The following UNC13A variants were observed in gnomAD, a reference collection of about 807,000 sequenced individuals.
The protein encoded by UNC13A is protein unc-13 homolog A.
UNC13A carries 61 observed loss-of-function variants against 219.7 expected under a neutral mutation model. The observed-to-expected ratio is 0.28, with a 90% CI of 0.23 to 0.34. The LOEUF (loss-of-function observed/expected upper bound fraction) is 0.34. Among genes scored for constraint, UNC13A ranks in the 10% least tolerant of loss-of-function variants. UNC13A has a pLI of 1.00. For missense variants in UNC13A, 1,476 were observed against 2,270.3 expected (o/e 0.65, Z 7.11); for synonymous variants, 920 against 884.6 (o/e 1.04, Z -0.71).
rs1480808128 is a variant in UNC13A, at chr19:17,617,698, T to G, written c.4558+4A>C. On this transcript the variant is annotated splice_donor_region_variant and intron_variant, in intron 41 of 43. Coordinates refer to ENST00000519716, the MANE Select transcript of UNC13A (RefSeq NM_001080421.3). The stretch of plus-strand genomic sequence containing the variant: ...AAAGGGTGATGCGGTCTGGGTACCC[T>G]TACCCTGGGCCGATTGCGTCTGTAC... The G allele has an allele frequency of 6.2e-7, 1 of 1,613,156 alleles. No individual in the cohort carries two copies.
At position 17,639,907 on chromosome 19, in the gene UNC13A, T is replaced by C. The variant is rs752764254; in HGVS notation, c.2789A>G (p.Lys930Arg). 2.5e-6 allele frequency: 4 copies of C among 1,613,510 alleles called. No homozygotes were observed. The highest frequency in any genetic ancestry group is 8.5e-7 in the Non-Finnish European group (1 of 1,179,760). ...GTCCAGGAGTTTCACGAAGCGCTCTTTCTGAGGAGGAAGGGGAGGAGGGAG... is the reference window on the plus strand; with the variant it reads ...GTCCAGGAGTTTCACGAAGCGCTCTCTCTGAGGAGGAAGGGGAGGAGGGAG... The part of the protein sequence containing the change: ...SDRFAASNFG[K>R]ERFVKLLDQL... Residue 930 changes from lysine (K) to arginine (R), a missense_variant and splice_region_variant, in exon 23 of 44, where the codon AAA (lysine) becomes AGA (arginine). Physicochemically the swap from Lys to Arg is conservative, Grantham distance 26. This residue lies in a region of UNC13A where 140 missense variants were observed against 270.9 expected (regional missense o/e 0.52). Transcript: ENST00000519716.
chr19:17,667,231 C>G (rs1019548227), intron 6 of UNC13A, among the ~76,000 whole-genome samples: 31 of 143,556 alleles, frequency 2.2e-4, no homozygotes, highest in Non-Finnish European at 4.4e-4. Flanking sequence ...AGCCTGGTGA[C>G]ACAGCGAGAC....
rs1327642693 is a variant in UNC13A, at chr19:17,606,476, C to G, written c.4812-122G>C. 6.8e-6 allele frequency: 9 copies of G among 1,320,262 alleles called. No homozygotes were observed. In the Admixed American group the frequency reaches 1.4e-4, roughly 20 times the overall value. 81.8% of individuals were successfully genotyped at this position (1,320,262 alleles called of 1,614,324 possible). ...CGGGGTGCCCACACCTGTCACCTCCCACGCTACGCTAGCCCCGCCCCTGCC... is the reference window on the plus strand; with the variant it reads ...CGGGGTGCCCACACCTGTCACCTCCGACGCTACGCTAGCCCCGCCCCTGCC... On this transcript the variant is annotated intron_variant, in intron 43 of 43. Coordinates refer to ENST00000519716, the MANE Select transcript of UNC13A (RefSeq NM_001080421.3).
chr19:17,671,506 C>T (rs752270182), intron 4 of UNC13A, among the ~76,000 whole-genome samples: 4 of 152,032 alleles, frequency 2.6e-5, no homozygotes, highest in Admixed American at 6.6e-5. Flanking sequence ...CATGGTGGCT[C>T]GCACCTGTAA....
At chr19:17,680,869 C>CTTTT (rs71162171) in intron 1 of UNC13A, among the ~76,000 whole-genome samples, 1 of 106,430 alleles carries the variant, frequency 9.4e-6, no homozygotes, top group Non-Finnish European at 1.8e-5. Context: ...TCTTCTTCTT[C>CTTTT]TTTTTTTTTC....
In UNC13A at chr19:17,630,294, G is replaced by A. The variant is rs183149048; in HGVS notation, c.3526-6C>T. ...TGCTCTGAGGTCTGCTGGAACTGCA[G>A]GGGGAAGGAGGCCAAGAGGAAGGAG... is the stretch of plus-strand genomic sequence containing the variant. On this transcript the variant is annotated splice_region_variant and splice_polypyrimidine_tract_variant and intron_variant, in intron 29 of 43. Transcript: ENST00000519716. 7.4e-5 allele frequency: 116 copies of A among 1,560,912 alleles called. No homozygotes were observed. The highest frequency in any genetic ancestry group is 6.9e-4 in the Admixed American group (36 of 51,970).
At chr19:17,618,595 C>T (rs976254554) in intron 39 of UNC13A, 94 bp from the exon 40 acceptor site, 2 of 1,304,260 alleles carry the variant, frequency 1.5e-6, no homozygotes, top group Non-Finnish European at 2.2e-6. Context: ...CTTGGAGGAG[C>T]TGGGCTGAGG....
At chr19:17,606,469 C>A (rs1055344664) in intron 43 of UNC13A, 115 bp from the exon 44 acceptor site, 1 of 1,349,926 alleles carries the variant, frequency 7.4e-7, no homozygotes, top group Non-Finnish European at 9.9e-7. Flanking sequence ...CCACACCTGT[C>A]ACCTCCCACG....
chr19:17,682,553 G>A (rs894676903), intron 1 of UNC13A, among the ~76,000 whole-genome samples: 2 of 152,102 alleles, frequency 1.3e-5, no homozygotes, highest in Non-Finnish European at 2.9e-5. Flanking sequence ...TTAGGGAAAG[G>A]GTTAGGCTGC....
At position 17,683,778 on chromosome 19, in the gene UNC13A, T is replaced by C. The variant is rs117189937; in HGVS notation, c.22+4400A>G. On this transcript the variant is annotated intron_variant, in intron 1 of 43. Transcript: ENST00000519716. ...CTGATTTGTTCATGTCATTTATTCA[T>C]AACATGTTTATAGAGCCTTTAAAAC... Among the ~76,000 whole-genome samples, 77 of 152,246 alleles carry C rather than the reference T, an allele frequency of 5.1e-4. 1 individual carries two copies. The East Asian group carries it at 0.015, about 29-fold the overall frequency.
Position 17,636,950 on chromosome 19 carries a change from T to C in UNC13A, c.3082-793A>G, listed in dbSNP as rs1488540021. Among the ~76,000 whole-genome samples, 4 of 151,860 alleles carry C rather than the reference T, an allele frequency of 2.6e-5. No individual in the cohort carries two copies. In the South Asian group the frequency reaches 8.3e-4, roughly 31 times the overall value. Reference sequence around the variant, plus strand: ...TTGTACTCAATAAAACTCAATGCAATCAACCAACTTGTTCTTCTCTCTATT... The same window carrying C: ...TTGTACTCAATAAAACTCAATGCAACCAACCAACTTGTTCTTCTCTCTATT... On this transcript the variant is annotated intron_variant, in intron 25 of 43. Coordinates refer to ENST00000519716, the MANE Select transcript of UNC13A (RefSeq NM_001080421.3).
At position 17,605,964 on chromosome 19, in the gene UNC13A, C is replaced by G; in HGVS notation, c.*90G>C. ...GGCGTGGAGCCCCCCGAGCCCCGCC[C>G]CTGGGGAGGTCCCACCAAGGCGCAA... On this transcript the variant is annotated 3_prime_UTR_variant, in exon 44 of 44. Transcript: ENST00000519716. The G allele has an allele frequency of 1.6e-6, 2 of 1,253,770 alleles. No homozygotes were observed. The highest frequency in any genetic ancestry group is 2.1e-6 in the Non-Finnish European group (2 of 966,652). The allele number at this position is 1,253,770 out of a possible 1,614,324, so 77.7% of individuals were successfully genotyped here. A position where few individuals can be genotyped will look rare whatever the true frequency, so the allele number is the denominator to read the frequency against.
chr19:17,619,089 G>T, intron 38 of UNC13A, 127 bp from the exon 39 acceptor site: 1 of 847,040 alleles, frequency 1.2e-6, no homozygotes, highest in Non-Finnish European at 1.9e-6. Context: ...AGGGACAGAG[G>T]TCTGGAATTC....
chr19:17,653,794 G>A (rs1408786678), intron 11 of UNC13A, among the ~76,000 whole-genome samples: 1 of 145,034 alleles, frequency 6.9e-6, no homozygotes, highest in Non-Finnish European at 1.5e-5. Flanking sequence ...AAATATTGTT[G>A]AAATAAATAT....
chr19:17,679,332 G>T (rs1007934790), intron 1 of UNC13A, among the ~76,000 whole-genome samples: 1 of 151,834 alleles, frequency 6.6e-6, no homozygotes, highest in African/African-American at 2.4e-5. Context: ...CCCAGGAGGC[G>T]GAGGTTGCAG....
chr19:17,607,613 T>C (rs977458550), intron 43 of UNC13A, among the ~76,000 whole-genome samples: 9 of 151,770 alleles, frequency 5.9e-5, no homozygotes, highest in African/African-American at 2.2e-4. Flanking sequence ...AGGGTCTCGC[T>C]ATGTCGGTCA....
In UNC13A at chr19:17,617,377, G is replaced by A. The variant is rs76693105; in HGVS notation, c.4558+325C>T. Among the ~76,000 whole-genome samples, 314 of 152,206 alleles carry A rather than the reference G, an allele frequency of 2.1e-3. 3 individuals carry two copies. In the East Asian group the frequency reaches 0.028, roughly 14 times the overall value. On this transcript the variant is annotated intron_variant, in intron 41 of 43. Transcript: ENST00000519716. Reference sequence around the variant, plus strand: ...GACAATCACCTTGTGGCCCTACGACGTCACAGGTTCCACACCTAAGAGTCA... The same window carrying A: ...GACAATCACCTTGTGGCCCTACGACATCACAGGTTCCACACCTAAGAGTCA...
At chr19:17,639,328 G>A in intron 24 of UNC13A, 108 bp downstream of exon 24, 1 of 1,571,416 alleles carries the variant, frequency 6.4e-7, no homozygotes, top group Non-Finnish European at 8.6e-7. Context: ...AAAGGAAAAG[G>A]TTACTGAGAA....
chr19:17,642,267 T>C (rs1352442347), intron 20 of UNC13A, among the ~76,000 whole-genome samples: 7 of 152,030 alleles, frequency 4.6e-5, no homozygotes, highest in African/African-American at 1.7e-4. Flanking sequence ...TCATCCATCA[T>C]CTAACAATTA....
Sources: gnomAD v4.1 joint callset for allele counts (sites outside exome capture counted in the v4.1 genomes callset) on GRCh38, gnomAD v4.1.1 for gene constraint, gnomAD v4.1.1 regional missense constraint, MANE v1.5 for transcripts, NCBI Gene and HGNC (gene_info 2026-07-23, HGNC 2026-07-21) for gene names.